Variants in GULP1 observed in about 807,000 individuals in gnomAD.
The protein encoded by GULP1 is GULP PTB domain containing engulfment adaptor 1.
GULP1 carries 19 observed loss-of-function variants against 40.9 expected under a neutral mutation model. The ratio of observed to expected loss-of-function variants is 0.46; its 90% CI spans 0.32 to 0.68. The LOEUF (loss-of-function observed/expected upper bound fraction) is 0.68. GULP1 is among the 30% of genes least tolerant of loss of function. GULP1 has a pLI of 0.03. For synonymous variants in GULP1, 119 were observed against 117.6 expected (o/e 1.01, Z -0.08); for missense variants, 312 against 362.2 (o/e 0.86, Z 1.12).
intron 7 of GULP1, among the ~76,000 whole-genome samples, chr2:188,557,491 T>A (rs1695077202): frequency 6.6e-6 from 1 of 152,212 alleles, no homozygotes; most frequent in Non-Finnish European, 1.5e-5. Flanking sequence ...CTTCTTTGAC[T>A]CCATGTCCCA....
intron 6 of GULP1, among the ~76,000 whole-genome samples, chr2:188,537,942 A>G (rs1243406401): frequency 2.0e-5 from 3 of 151,950 alleles, no homozygotes; most frequent in African/African-American, 2.4e-5. Context: ...AAATTTATCA[A>G]TTTCCTCTAG....
chr2:188,433,765 A>G (rs888485341), intron 2 of GULP1, among the ~76,000 whole-genome samples: 2 of 152,094 alleles, frequency 1.3e-5, no homozygotes, highest in Non-Finnish European at 2.9e-5. Context: ...TCTGAGCCCA[A>G]TATGCATGAC....
In GULP1 at chr2:188,506,341, A is replaced by G. The variant is rs138207757; in HGVS notation, c.91-16415A>G. On this transcript the variant is annotated intron_variant, in intron 4 of 11. Transcript: ENST00000409830. Reference sequence around the variant, plus strand: ...TATTTTCCTACTCGTTTGCATTTATATAATTTCAAATCAGTACATAAAAGC... The same window carrying G: ...TATTTTCCTACTCGTTTGCATTTATGTAATTTCAAATCAGTACATAAAAGC... 3.8e-3 allele frequency among the ~76,000 whole-genome samples: 579 copies of G among 152,054 alleles called. 5 individuals are homozygous for G. Among genetic ancestry groups the G allele is most frequent in the African/African-American group, 0.013 (545 of 41,536 alleles).
At chr2:188,303,790 G>A (rs1574250161) in intron 1 of GULP1, among the ~76,000 whole-genome samples, 1 of 152,120 alleles carries the variant, frequency 6.6e-6, no homozygotes, top group South Asian at 2.1e-4. Context: ...TTTTGCATAA[G>A]AATGCAATAA....
intron 1 of GULP1, among the ~76,000 whole-genome samples, chr2:188,370,272 G>A (rs1308639901): frequency 6.6e-6 from 1 of 152,212 alleles, no homozygotes; most frequent in Non-Finnish European, 1.5e-5. Context: ...AGAGCACACA[G>A]ATGGCCAGTT....
chr2:188,471,868 G>T (rs1004651922), intron 2 of GULP1, among the ~76,000 whole-genome samples: 1 of 152,038 alleles, frequency 6.6e-6, no homozygotes, highest in African/African-American at 2.4e-5. Context: ...TGTGAGTTTT[G>T]TATCTTTGGT....
chr2:188,345,090 G>C (rs1003273471), intron 1 of GULP1, among the ~76,000 whole-genome samples: 4 of 152,090 alleles, frequency 2.6e-5, no homozygotes, highest in African/African-American at 9.7e-5. Flanking sequence ...CTCTGACAAA[G>C]GTACACTTTT....
At chr2:188,340,238 T>C (rs2042781623) in intron 1 of GULP1, among the ~76,000 whole-genome samples, 1 of 152,210 alleles carries the variant, frequency 6.6e-6, no homozygotes, top group African/African-American at 2.4e-5. Context: ...TTCATATTGC[T>C]ATAAAGAAAT....
intron 2 of GULP1, among the ~76,000 whole-genome samples, chr2:188,445,451 A>G (rs2058305096): frequency 6.6e-6 from 1 of 152,200 alleles, no homozygotes; most frequent in South Asian, 2.1e-4. Context: ...ATGAGCATAT[A>G]CTAAGTGCTC....
chr2:188,452,697 A>G (rs2152924370), intron 2 of GULP1, among the ~76,000 whole-genome samples: 1 of 152,328 alleles, frequency 6.6e-6, no homozygotes, highest in Admixed American at 6.5e-5. Context: ...GCACTAGTCC[A>G]AAGCAATCCA....
At chr2:188,538,576 A>T (rs1181448949) in intron 6 of GULP1, among the ~76,000 whole-genome samples, 1 of 152,020 alleles carries the variant, frequency 6.6e-6, no homozygotes, top group African/African-American at 2.4e-5. Flanking sequence ...CCATTTCTTG[A>T]ATGCATTAAA....
intron 9 of GULP1, among the ~76,000 whole-genome samples, chr2:188,574,758 T>C (rs1487893506): frequency 6.6e-6 from 1 of 152,156 alleles, no homozygotes; most frequent in Non-Finnish European, 1.5e-5. Context: ...ATTTCCGTAA[T>C]ACAAGACAAT....
intron 1 of GULP1, among the ~76,000 whole-genome samples, chr2:188,323,078 G>A (rs6720983): frequency 0.15 from 22,995 of 151,586 alleles, 1,885 homozygotes; most frequent in African/African-American, 0.17. Context: ...TCTTCTCTTC[G>A]TTGAGTTTTC....
At chr2:188,437,008 T>C (rs1371102006) in intron 2 of GULP1, among the ~76,000 whole-genome samples, 1 of 152,112 alleles carries the variant, frequency 6.6e-6, no homozygotes, top group East Asian at 1.9e-4. Flanking sequence ...CCACTATAGT[T>C]CTATCTTCTT....
At chr2:188,522,632 T>C in intron 4 of GULP1, 124 bp from the exon 5 acceptor site, 1 of 339,808 alleles carries the variant, frequency 2.9e-6, no homozygotes, top group South Asian at 8.1e-5. Flanking sequence ...ATAATAATTC[T>C]ATTTAATTAA....
At chr2:188,357,915 AC>A (rs1559146582) in intron 1 of GULP1, among the ~76,000 whole-genome samples, 1 of 152,226 alleles carries the variant, frequency 6.6e-6, no homozygotes, top group Non-Finnish European at 1.5e-5. Context: ...ACAGTGGCTC[AC>A]ACCTGTAATT....
intron 1 of GULP1, among the ~76,000 whole-genome samples, chr2:188,337,434 C>T (rs1157273751): frequency 6.7e-6 from 1 of 149,920 alleles, no homozygotes. Context: ...GCCACCGCGC[C>T]CGGCCCTCCA....
intron 1 of GULP1, among the ~76,000 whole-genome samples, chr2:188,350,496 C>A (rs1295662290): frequency 6.6e-6 from 1 of 151,882 alleles, no homozygotes; most frequent in Non-Finnish European, 1.5e-5. Flanking sequence ...TTGTTAACTG[C>A]CTGTGTGTAG....
chr2:188,583,012 A>C (rs1353398265), intron 9 of GULP1, among the ~76,000 whole-genome samples: 1 of 152,134 alleles, frequency 6.6e-6, no homozygotes, highest in Non-Finnish European at 1.5e-5. Context: ...AGAGTAAATA[A>C]ATTTTTGATT....
Sources: allele counts gnomAD v4.1 joint callset (sites outside exome capture counted in the v4.1 genomes callset), GRCh38; gene constraint gnomAD v4.1.1; transcripts MANE v1.5; gene names NCBI Gene and HGNC (gene_info 2026-07-23, HGNC 2026-07-21).